The following GALNT10 variants were observed in gnomAD, a reference collection of about 807,000 sequenced individuals.
GALNT10 encodes the protein polypeptide N-acetylgalactosaminyltransferase 10, also known as GalNAc transferase 10.
A neutral mutation model predicts 75.0 loss-of-function variants in GALNT10; 41 were observed. The observed-to-expected ratio is 0.55, with a 90% CI of 0.43 to 0.71. GALNT10 has a LOEUF of 0.71. GALNT10 is among the 30% of genes least tolerant of loss of function. The pLI is 0.00. For missense variants in GALNT10, 727 were observed against 818.5 expected (o/e 0.89, Z 1.36); for synonymous variants, 302 against 313.0 (o/e 0.96, Z 0.37).
Position 154,401,889 on chromosome 5 carries a change from T to G in GALNT10, c.1057-2215T>G, listed in dbSNP as rs534849606. ...AAGAGCACTTTTGCACAGAATCTGG[T>G]TTGCAGATGTCCCCATTCCTGCCCC... On this transcript the variant is annotated intron_variant, in intron 7 of 11. Transcript: ENST00000297107. Among the ~76,000 whole-genome samples the G allele has an allele frequency of 5.9e-5, 9 of 152,270 alleles. No individual in the cohort carries two copies. In the East Asian group the frequency reaches 9.7e-4, roughly 16 times the overall value.
intron 7 of GALNT10, among the ~76,000 whole-genome samples, chr5:154,395,198 A>T (rs4499886): frequency 6.6e-6 from 1 of 152,060 alleles, no homozygotes; most frequent in African/African-American, 2.4e-5. Flanking sequence ...GATGATATGT[A>T]TATTTGGCCT....
At chr5:154,254,013 A>T (rs1004714894) in intron 1 of GALNT10, among the ~76,000 whole-genome samples, 3 of 152,046 alleles carry the variant, frequency 2.0e-5, no homozygotes, top group Non-Finnish European at 4.4e-5. Flanking sequence ...AAATCCTCCC[A>T]GTTTTGACTG....
At chr5:154,333,921 G>C (rs1754903570) in intron 4 of GALNT10, among the ~76,000 whole-genome samples, 1 of 152,206 alleles carries the variant, frequency 6.6e-6, no homozygotes, top group African/African-American at 2.4e-5. Context: ...GGCAGCTTTG[G>C]AAGAAAACTT....
At chr5:154,371,557 TGTGTGTAC>T (rs1407866776) in intron 4 of GALNT10, among the ~76,000 whole-genome samples, 1,410 of 54,618 alleles carry the variant, frequency 0.026, 22 homozygotes, top group African/African-American at 0.062. Context: ...TGTGTGTGTG[TGTGTGTAC>T]ACACACACAC....
At chr5:154,377,640 C>A (rs2113174475) in intron 5 of GALNT10, among the ~76,000 whole-genome samples, 1 of 152,236 alleles carries the variant, frequency 6.6e-6, no homozygotes, top group East Asian at 1.9e-4. Context: ...GGGGAGAGGA[C>A]AGAAAGCAGA....
chr5:154,240,645 T>C (rs969864372), intron 1 of GALNT10, among the ~76,000 whole-genome samples: 2 of 152,198 alleles, frequency 1.3e-5, no homozygotes, highest in African/African-American at 4.8e-5. Context: ...AAACAACCAT[T>C]ATATTTTGTG....
intron 1 of GALNT10, among the ~76,000 whole-genome samples, chr5:154,276,949 CCTTAGCTTGCAAACACAG>C (rs1240018361): frequency 6.6e-6 from 1 of 152,034 alleles, no homozygotes; most frequent in African/African-American, 2.4e-5. Context: ...TATTTTGGCA[CCTTAGCTTGCAAACACAG>C]AACGGAACTG....
At chr5:154,363,283 T>G (rs1269522501) in intron 4 of GALNT10, among the ~76,000 whole-genome samples, 1 of 151,814 alleles carries the variant, frequency 6.6e-6, no homozygotes, top group Non-Finnish European at 1.5e-5. Flanking sequence ...GCCATGATGG[T>G]TAAAACATTT....
Position 154,306,745 on chromosome 5 carries a change from A to C in GALNT10, c.401+8666A>C, listed in dbSNP as rs953183894. Among the ~76,000 whole-genome samples the C allele has an allele frequency of 2.8e-4, 43 of 152,140 alleles. 1 individual carries two copies. Among genetic ancestry groups the C allele is most frequent in the African/African-American group, 6.5e-4 (27 of 41,476 alleles). ...GGTCAAAAAACAACAACAACAACAA[A>C]AAAAACTTAGGAGAAATTTAAAAAG... On this transcript the variant is annotated intron_variant, in intron 3 of 11. Coordinates refer to ENST00000297107, the MANE Select transcript of GALNT10 (RefSeq NM_198321.4).
At chr5:154,277,527 C>A (rs1581952102) in intron 1 of GALNT10, among the ~76,000 whole-genome samples, 1 of 151,918 alleles carries the variant, frequency 6.6e-6, no homozygotes, top group Admixed American at 6.6e-5. Context: ...AGGATTGAGA[C>A]CACTTTCACA....
At chr5:154,290,357 C>T (rs1754179542) in intron 1 of GALNT10, among the ~76,000 whole-genome samples, 2 of 150,970 alleles carry the variant, frequency 1.3e-5, no homozygotes, top group African/African-American at 4.9e-5. Flanking sequence ...GATCCGCCCA[C>T]CTCAGCCTTC....
intron 1 of GALNT10, among the ~76,000 whole-genome samples, chr5:154,191,428 T>TC (rs1488717121): frequency 2.1e-3 from 64 of 29,794 alleles, no homozygotes; most frequent in African/African-American, 5.7e-3. Context: ...TCTGCTTCCC[T>TC]CCTCCCACCC....
chr5:154,260,529 G>A (rs1303650717), intron 1 of GALNT10, among the ~76,000 whole-genome samples: 2 of 152,122 alleles, frequency 1.3e-5, no homozygotes, highest in Admixed American at 6.5e-5. Context: ...GACAGTGGCA[G>A]AATCCAGGAT....
chr5:154,194,336 C>G (rs975263065), intron 1 of GALNT10, among the ~76,000 whole-genome samples: 10 of 152,310 alleles, frequency 6.6e-5, no homozygotes, highest in African/African-American at 2.4e-4. Context: ...TGGCAGAAGC[C>G]TTGCCCATCA....
rs917613003 is a variant in GALNT10 at position 154,293,752 on chromosome 5, T to A, written c.160-1064T>A. On this transcript the variant is annotated intron_variant, in intron 1 of 11. Transcript: ENST00000297107. Reference sequence around the variant, plus strand: ...TGCCATCTGCTTTTGCTTGCGGCACTCCTTCTCCTTGGGCCACACACAGCT... The same window carrying A: ...TGCCATCTGCTTTTGCTTGCGGCACACCTTCTCCTTGGGCCACACACAGCT... Among the ~76,000 whole-genome samples the A allele has an allele frequency of 2.0e-5, 3 of 151,954 alleles. No homozygotes were observed. The South Asian group carries it at 6.2e-4, about 32-fold the overall frequency.
intron 7 of GALNT10, chr5:154,389,222 G>T (rs551851720): frequency 1.7e-4 from 25 of 151,476 alleles, no homozygotes; most frequent in Non-Finnish European, 3.1e-4. Flanking sequence ...TTTTATTATT[G>T]TATTAAATCT....
chr5:154,199,129 G>A (rs1774987496), intron 1 of GALNT10, among the ~76,000 whole-genome samples: 1 of 152,226 alleles, frequency 6.6e-6, no homozygotes. Flanking sequence ...CTGCATGCTG[G>A]AAGCTTAGCC....
At chr5:154,325,459 T>A (rs1754743077) in intron 3 of GALNT10, among the ~76,000 whole-genome samples, 1 of 151,986 alleles carries the variant, frequency 6.6e-6, no homozygotes, top group Admixed American at 6.6e-5. Flanking sequence ...GATGCAAAAA[T>A]TCTCAACAAA....
intron 1 of GALNT10, among the ~76,000 whole-genome samples, chr5:154,242,807 C>T (rs1004422017): frequency 6.6e-6 from 1 of 152,176 alleles, no homozygotes; most frequent in Admixed American, 6.5e-5. Flanking sequence ...TTAAAAAGCC[C>T]TTCCTTTTCA....
Sources: allele counts gnomAD v4.1 joint callset (sites outside exome capture counted in the v4.1 genomes callset), GRCh38; gene constraint gnomAD v4.1.1; transcripts MANE v1.5; gene names NCBI Gene and HGNC (gene_info 2026-07-23, HGNC 2026-07-21).